The following DKK3 variants were observed in gnomAD, a reference collection of about 807,000 sequenced individuals.
The protein encoded by DKK3 is dickkopf Wnt signaling pathway inhibitor 3.
DKK3 carries 22 observed loss-of-function variants against 33.2 expected under a neutral mutation model. The ratio of observed to expected loss-of-function variants is 0.66; its 90% CI spans 0.47 to 0.95. The LOEUF (loss-of-function observed/expected upper bound fraction) is 0.95. DKK3 is among the 40% of genes least tolerant of loss of function. The pLI is 0.00. For synonymous variants in DKK3, 194 were observed against 188.8 expected (o/e 1.03, Z -0.23); for missense variants, 398 against 458.4 (o/e 0.87, Z 1.20).
rs147147138 is a variant in DKK3, at chr11:11,972,278, C to T, written c.436-3791G>A. Among the ~76,000 whole-genome samples the T allele has an allele frequency of 7.6e-3, 1,164 of 152,332 alleles. 19 individuals carry two copies. Among genetic ancestry groups the T allele is most frequent in the African/African-American group, 0.027 (1,106 of 41,558 alleles). ...CCTCCACACATCCAATGCCTGATCC[C>T]GCTATGGTGCACCCCTGCCAGGGGG... On this transcript the variant is annotated intron_variant, in intron 3 of 6. Transcript: ENST00000683431.
At chr11:11,983,345 C>T (rs904229307) in intron 3 of DKK3, among the ~76,000 whole-genome samples, 1 of 152,186 alleles carries the variant, frequency 6.6e-6, no homozygotes, top group Non-Finnish European at 1.5e-5. Context: ...GACACAGTCC[C>T]TAGGCACATG....
At position 11,974,952 on chromosome 11, in the gene DKK3, C is replaced by T. The variant is rs573755735; in HGVS notation, c.436-6465G>A. Among the ~76,000 whole-genome samples, 5 of 152,202 alleles carry T rather than the reference C, an allele frequency of 3.3e-5. No homozygotes were observed. In the East Asian group the frequency reaches 9.7e-4, roughly 29 times the overall value. On this transcript the variant is annotated intron_variant, in intron 3 of 6. Coordinates refer to ENST00000683431, the MANE Select transcript of DKK3 (RefSeq NM_001018057.2). ...AACGAACTGACCAGTAGATGAACCA[C>T]TGGTCATAGAGCCTTAGAGCCTAAT...
chr11:12,009,344 G>GCCCA (rs1326912013), upstream of DKK3: 1 of 900,864 alleles, frequency 1.1e-6, no homozygotes, highest in Non-Finnish European at 1.3e-6. Flanking sequence ...GACGCGCCCC[G>GCCCA]CCCGCCCACC....
chr11:11,964,642 C>T lies in DKK3; in HGVS notation c.875G>A (p.Arg292His), dbSNP rs768404301. The T allele has an allele frequency of 5.0e-6, 8 of 1,614,004 alleles. No individual in the cohort carries two copies. The highest frequency in any genetic ancestry group is 3.3e-5 in the Admixed American group (2 of 60,006). ...CAGCAGGATCTCCCCATCTTGGTCA[C>T]GGCTCCCCACGAAGGTCGGCTTGCA... ...YVCKPTFVGSRDQDGEILLPR... is the reference protein window; with the variant it reads ...YVCKPTFVGSHDQDGEILLPR... Residue 292 changes from arginine (R) to histidine (H), a missense_variant, in exon 7 of 7, where the codon CGT becomes CAT. Physicochemically the swap from Arg to His is conservative, Grantham distance 29 (BLOSUM62 0). Transcript: ENST00000683431.
intron 1 of DKK3, among the ~76,000 whole-genome samples, chr11:12,002,678 G>C (rs1015767723): frequency 6.6e-6 from 1 of 152,030 alleles, no homozygotes; most frequent in Non-Finnish European, 1.5e-5. Flanking sequence ...ATTACAAATA[G>C]GGAAACTGAG....
intron 3 of DKK3, chr11:11,994,807 C>T (rs2135085504): frequency 6.6e-6 from 1 of 152,320 alleles, no homozygotes; most frequent in South Asian, 2.1e-4. Context: ...TCTCTCTGGG[C>T]TTGGAGGTGA....
At chr11:11,996,198 T>G (rs1848289321) in intron 3 of DKK3, among the ~76,000 whole-genome samples, 1 of 152,224 alleles carries the variant, frequency 6.6e-6, no homozygotes, top group Admixed American at 6.5e-5. Flanking sequence ...TGTAATGCAT[T>G]TCAGAGCCAA....
chr11:11,995,555 T>G (rs1476219056), intron 3 of DKK3, among the ~76,000 whole-genome samples: 1 of 152,126 alleles, frequency 6.6e-6, no homozygotes, highest in Non-Finnish European at 1.5e-5. Context: ...TAGCTGCGAG[T>G]TGGATTTTAA....
Position 12,008,021 on chromosome 11 carries a change from A to G in DKK3, c.213+349T>C, listed in dbSNP as rs557988846. ...TTGTCCCGGGTTTCTGTGAAACCAC[A>G]GTGCTGGAATACCAGGGGCCCTGCA... On this transcript the variant is annotated intron_variant, in intron 1 of 6. Coordinates refer to ENST00000683431, the MANE Select transcript of DKK3 (RefSeq NM_001018057.2). The surrounding 1 kb of genome is among the most constrained non-coding windows in gnomAD (Gnocchi z 4.6). Among the ~76,000 whole-genome samples, 151 of 152,334 alleles carry G rather than the reference A, an allele frequency of 9.9e-4. 5 individuals are homozygous for G. The South Asian group carries it at 0.031, about 31-fold the overall frequency.
chr11:11,992,497 C>A (rs12791092), intron 3 of DKK3, among the ~76,000 whole-genome samples: 2 of 152,210 alleles, frequency 1.3e-5, no homozygotes, highest in Admixed American at 1.3e-4. Flanking sequence ...CCCTCTGTGA[C>A]TCAGCCCATC....
Position 12,003,900 on chromosome 11 carries a change from A to G in DKK3, c.214-1463T>C, listed in dbSNP as rs1285578150. Among the ~76,000 whole-genome samples, 4 of 152,184 alleles carry G rather than the reference A, an allele frequency of 2.6e-5. No homozygotes were observed. In the East Asian group the frequency reaches 7.7e-4, roughly 29 times the overall value. The stretch of plus-strand genomic sequence containing the variant: ...TCCTCATGTCTCAATGCAACACAAA[A>G]ACACTAAACTCAAAGTGTGAATAAA... On this transcript the variant is annotated intron_variant, in intron 1 of 6. Coordinates refer to ENST00000683431, the MANE Select transcript of DKK3 (RefSeq NM_001018057.2).
chr11:12,009,265 C>T, upstream of DKK3: 4 of 984,494 alleles, frequency 4.1e-6, no homozygotes, highest in Non-Finnish European at 4.8e-6. Flanking sequence ...GGGAGCGGCG[C>T]GGTGGGCGGG....
chr11:11,974,044 G>C (rs2135013939), intron 3 of DKK3, among the ~76,000 whole-genome samples: 1 of 152,348 alleles, frequency 6.6e-6, no homozygotes, highest in Middle Eastern at 3.4e-3. Flanking sequence ...CAAAGGAAGA[G>C]GCTGCTGGGG....
chr11:12,006,522 C>T lies in DKK3; in HGVS notation c.213+1848G>A, dbSNP rs181417343. Among the ~76,000 whole-genome samples the T allele has an allele frequency of 3.2e-3, 479 of 151,916 alleles. 3 individuals are homozygous for T. Among genetic ancestry groups the T allele is most frequent in the African/African-American group, 0.011 (454 of 41,188 alleles). On this transcript the variant is annotated intron_variant, in intron 1 of 6. Transcript: ENST00000683431. ...TCTCTCATCCTGTACCCACTGCCAG[C>T]GAGGACACCTCTGGGAAAGAGTGGG... is the stretch of plus-strand genomic sequence containing the variant.
In DKK3 at chr11:12,008,535, C is replaced by G. The variant is rs990459766; in HGVS notation, c.48G>C (p.Ala16=). 5.1e-6 allele frequency: 8 copies of G among 1,554,792 alleles called. 1 individual carries two copies. The highest frequency in any genetic ancestry group is 4.6e-5 in the South Asian group (4 of 86,414). The part of the protein sequence containing the change: ...ATLLCLLLAA[A]VPTAPAPAPT... ...GAGCGGGCGCGGGGGCCGTGGGGACCGCCGCCGCCAGCAGCAGGCACAGCA... is the reference window on the plus strand; with the variant it reads ...GAGCGGGCGCGGGGGCCGTGGGGACGGCCGCCGCCAGCAGCAGGCACAGCA... The change falls in exon 1 of 7, where the codon GCG becomes GCC. Residue 16 remains alanine (A), a synonymous_variant. Transcript: ENST00000683431. This position sits in a 1 kb window ranked among gnomAD's most constrained non-coding sequence, Gnocchi z 4.6.
chr11:11,970,173 G>T (rs1847694005), intron 3 of DKK3, among the ~76,000 whole-genome samples: 1 of 152,200 alleles, frequency 6.6e-6, no homozygotes, highest in Admixed American at 6.5e-5. Context: ...GGGCCAACAG[G>T]CACAGAATCC....
chr11:11,972,670 G>A (rs1485402484), intron 3 of DKK3, among the ~76,000 whole-genome samples: 1 of 152,210 alleles, frequency 6.6e-6, no homozygotes. Context: ...GAGGACATGT[G>A]TCAGTGCCCT....
Position 12,003,746 on chromosome 11 carries a change from T to TA in DKK3, c.214-1310_214-1309insT, listed in dbSNP as rs1564926546. On this transcript the variant is annotated intron_variant, in intron 1 of 6. Coordinates refer to ENST00000683431, the MANE Select transcript of DKK3 (RefSeq NM_001018057.2). ...CTATGGGCTATTTTTATTTTTTTTT[T>TA]TAAAAAAAGAATGCTCAAAAAGTAT... 3.4e-5 allele frequency among the ~76,000 whole-genome samples: 5 copies of TA among 148,724 alleles called. No individual in the cohort carries two copies. The East Asian group carries it at 5.9e-4, about 17-fold the overall frequency.
Position 11,964,261 on chromosome 11 carries a change from C to A in DKK3, c.*203G>T, listed in dbSNP as rs1304734792. 1 of 671,690 alleles carries A rather than the reference C, an allele frequency of 1.5e-6. No homozygotes were observed. Among genetic ancestry groups the A allele is most frequent in the Non-Finnish European group, 2.5e-6 (1 of 400,950 alleles). The allele number at this position is 671,690 out of a possible 1,614,324, so 41.6% of individuals were successfully genotyped here. On this transcript the variant is annotated 3_prime_UTR_variant, in exon 7 of 7. Transcript: ENST00000683431. ...TCCTGCAGTTTAACCCTGCCTGACT[C>A]TCCCAAGCACCAGACTGTGAAGCCT...
Sources: allele counts gnomAD v4.1 joint callset (sites outside exome capture counted in the v4.1 genomes callset), GRCh38; gene constraint gnomAD v4.1.1; non-coding constraint Gnocchi (gnomAD v3.1); transcripts MANE v1.5; gene names NCBI Gene and HGNC (gene_info 2026-07-23, HGNC 2026-07-21).